Variants in DOK6 observed in about 807,000 individuals in gnomAD.
The protein encoded by DOK6 is docking protein 6.
DOK6 carries 22 observed loss-of-function variants against 44.0 expected under a neutral mutation model. That is an observed-to-expected ratio of 0.50 (90% CI 0.36 to 0.71). The LOEUF is 0.71. DOK6 is among the 30% of genes least tolerant of loss of function. DOK6 has a pLI of 0.00. For missense variants in DOK6, 340 were observed against 416.4 expected (o/e 0.82, Z 1.60); for synonymous variants, 166 against 145.5 (o/e 1.14, Z -1.01).
At chr18:69,669,325 C>T (rs890868647) in intron 3 of DOK6, among the ~76,000 whole-genome samples, 1 of 152,190 alleles carries the variant, frequency 6.6e-6, no homozygotes, top group African/African-American at 2.4e-5. Context: ...TCGTGTTTAG[C>T]TCCCACCTAA....
intron 1 of DOK6, among the ~76,000 whole-genome samples, chr18:69,448,216 T>G (rs76049961): frequency 0.065 from 9,823 of 152,216 alleles, 334 homozygotes; most frequent in Middle Eastern, 0.12. Flanking sequence ...ACCAGATTGT[T>G]TTAAGTGTTT....
chr18:69,660,816 A>G (rs59735809), intron 3 of DOK6: 96,049 of 151,738 alleles, frequency 0.63, 31,154 homozygotes, highest in Admixed American at 0.75. Context: ...GACTACAGGC[A>G]CCCACCACCA....
At chr18:69,560,388 A>G (rs1193017558) in intron 1 of DOK6, among the ~76,000 whole-genome samples, 2 of 150,012 alleles carry the variant, frequency 1.3e-5, no homozygotes, top group African/African-American at 4.9e-5. Context: ...TAGGAAAACC[A>G]AATTTGATGC....
intron 3 of DOK6, among the ~76,000 whole-genome samples, chr18:69,644,113 A>G (rs746047092): frequency 6.6e-6 from 1 of 151,988 alleles, no homozygotes; most frequent in Non-Finnish European, 1.5e-5. Flanking sequence ...TTTCATTTTT[A>G]CTATTGATGT....
intron 7 of DOK6, among the ~76,000 whole-genome samples, chr18:69,807,864 A>T (rs2145112422): frequency 6.6e-6 from 1 of 151,996 alleles, no homozygotes; most frequent in South Asian, 2.1e-4. Flanking sequence ...GCAATATCTT[A>T]CTTTTAGCAA....
chr18:69,731,769 A>G (rs964668920), intron 5 of DOK6, among the ~76,000 whole-genome samples: 1 of 152,226 alleles, frequency 6.6e-6, no homozygotes, highest in African/African-American at 2.4e-5. Context: ...GGGACAAACT[A>G]AAAACTGTCC....
At chr18:69,573,810 T>C (rs1276364202) in intron 2 of DOK6, among the ~76,000 whole-genome samples, 3 of 152,020 alleles carry the variant, frequency 2.0e-5, no homozygotes, top group Admixed American at 2.0e-4. Flanking sequence ...GACGTACATC[T>C]GGTTTTCTTC....
chr18:69,401,662 TG>T (rs1433363190), intron 1 of DOK6, among the ~76,000 whole-genome samples: 1 of 151,966 alleles, frequency 6.6e-6, no homozygotes, highest in Non-Finnish European at 1.5e-5. Context: ...TTCTCAAAAG[TG>T]TGCGCCTTTC....
At chr18:69,413,356 A>AT (rs1319641475) in intron 1 of DOK6, among the ~76,000 whole-genome samples, 1 of 152,122 alleles carries the variant, frequency 6.6e-6, no homozygotes, top group Non-Finnish European at 1.5e-5. Context: ...TTAGAGCATC[A>AT]TTAGTGATTT....
At chr18:69,540,258 A>G (rs1246838192) in intron 1 of DOK6, among the ~76,000 whole-genome samples, 1 of 152,142 alleles carries the variant, frequency 6.6e-6, no homozygotes, top group East Asian at 1.9e-4. Context: ...CTTTATCATC[A>G]TATCCTCTTT....
intron 1 of DOK6, among the ~76,000 whole-genome samples, chr18:69,547,900 T>C (rs1982447681): frequency 6.8e-6 from 1 of 147,258 alleles, no homozygotes; most frequent in African/African-American, 2.5e-5. Context: ...TATGGCTAAA[T>C]AATATTCCAT....
intron 1 of DOK6, among the ~76,000 whole-genome samples, chr18:69,528,936 A>G (rs79386864): frequency 0.03 from 4,577 of 152,288 alleles, 82 homozygotes; most frequent in Middle Eastern, 0.048. Context: ...TCCAGTGTAA[A>G]AGGGATCAAG....
At chr18:69,690,046 A>G (rs1568334412) in intron 4 of DOK6, among the ~76,000 whole-genome samples, 1 of 152,264 alleles carries the variant, frequency 6.6e-6, no homozygotes, top group East Asian at 1.9e-4. Context: ...TTTAACAGTT[A>G]AATTTTTAAT....
chr18:69,505,385 C>A (rs1384875132), intron 1 of DOK6, among the ~76,000 whole-genome samples: 1 of 151,704 alleles, frequency 6.6e-6, no homozygotes, highest in Non-Finnish European at 1.5e-5. Flanking sequence ...CTGTAGAAGC[C>A]TTAAAGTTTC....
At chr18:69,670,299 G>A (rs1190438362) in intron 3 of DOK6, among the ~76,000 whole-genome samples, 4 of 151,970 alleles carry the variant, frequency 2.6e-5, no homozygotes, top group African/African-American at 4.8e-5. Flanking sequence ...TACCCATATC[G>A]TTGGCTATGT....
intron 4 of DOK6, among the ~76,000 whole-genome samples, chr18:69,680,693 C>G (rs1375214733): frequency 6.6e-6 from 1 of 152,174 alleles, no homozygotes; most frequent in Non-Finnish European, 1.5e-5. Flanking sequence ...TTCCCCCATA[C>G]TTATGATAAT....
chr18:69,658,900 C>G (rs1312203712), intron 3 of DOK6, among the ~76,000 whole-genome samples: 1 of 152,184 alleles, frequency 6.6e-6, no homozygotes, highest in Non-Finnish European at 1.5e-5. Context: ...TAATTAAACA[C>G]AATCCCTTCT....
At chr18:69,775,853 A>C (rs932740563) in intron 7 of DOK6, among the ~76,000 whole-genome samples, 2 of 151,984 alleles carry the variant, frequency 1.3e-5, no homozygotes, top group African/African-American at 4.8e-5. Flanking sequence ...AAGGCAAAAC[A>C]CAAAGTTTTG....
chr18:69,562,989 A>C (rs1480679447), intron 1 of DOK6, among the ~76,000 whole-genome samples: 3 of 152,262 alleles, frequency 2.0e-5, no homozygotes, highest in Admixed American at 6.5e-5. Flanking sequence ...AAGTGGGCGA[A>C]GGATATGAAC....
Sources: allele counts gnomAD v4.1 joint callset (sites outside exome capture counted in the v4.1 genomes callset), GRCh38; gene constraint gnomAD v4.1.1; transcripts MANE v1.5; gene names NCBI Gene and HGNC (gene_info 2026-07-23, HGNC 2026-07-21).